The following MACROD2 variants were observed in gnomAD, a reference collection of about 807,000 sequenced individuals.
MACROD2 encodes ADP-ribose glycohydrolase MACROD2.
A neutral mutation model predicts 70.4 loss-of-function variants in MACROD2; 36 were observed. The observed-to-expected ratio is 0.51, with a 90% CI of 0.39 to 0.68. The LOEUF (loss-of-function observed/expected upper bound fraction) is 0.68. Ranked by LOEUF, MACROD2 falls within the 30% of genes least tolerant of loss-of-function variation. MACROD2 has a pLI of 0.00. For missense variants in MACROD2, 496 were observed against 538.4 expected, an observed-to-expected ratio of 0.92 and a Z score of 0.78; for synonymous variants, 172 against 178.8, an observed-to-expected ratio of 0.96 and a Z score of 0.30.
chr20:14,967,407 G>A (rs1022718379), intron 5 of MACROD2, among the ~76,000 whole-genome samples: 45 of 152,146 alleles, frequency 3.0e-4, no homozygotes, highest in Admixed American at 7.2e-4. Context: ...CAGGCAATCC[G>A]CCCGCCTCGG....
chr20:14,647,072 A>G (rs1042187896), intron 4 of MACROD2, among the ~76,000 whole-genome samples: 1 of 152,162 alleles, frequency 6.6e-6, no homozygotes, highest in Admixed American at 6.6e-5. Flanking sequence ...TAAAGTAATC[A>G]GCATTTTCCC....
chr20:15,197,960 CTT>C (rs56284199), intron 5 of MACROD2, among the ~76,000 whole-genome samples: 66 of 118,674 alleles, frequency 5.6e-4, no homozygotes, highest in East Asian at 2.0e-3. Context: ...GCCTGGCCTC[CTT>C]TTTTTTTTTT....
At chr20:15,555,839 AAAAAAAAAAAAAAAAG>A (rs1843714542) in intron 8 of MACROD2, among the ~76,000 whole-genome samples, 2 of 147,604 alleles carry the variant, frequency 1.4e-5, no homozygotes, top group South Asian at 2.1e-4. Flanking sequence ...AAAAAAAAAA[AAAAAAAAAAAAAAAAG>A]GAAAAGAAAA....
At chr20:15,779,506 T>C (rs1343433230) in intron 8 of MACROD2, among the ~76,000 whole-genome samples, 1 of 152,140 alleles carries the variant, frequency 6.6e-6, no homozygotes, top group African/African-American at 2.4e-5. Flanking sequence ...AAATACCAAG[T>C]AGCAGCAGGA....
At chr20:14,114,178 A>G (rs989214897) in intron 3 of MACROD2, among the ~76,000 whole-genome samples, 3 of 151,936 alleles carry the variant, frequency 2.0e-5, no homozygotes, top group African/African-American at 7.3e-5. Flanking sequence ...AGTATCTGCT[A>G]AAGCAATTTC....
At chr20:15,026,190 A>C (rs1483609414) in intron 5 of MACROD2, among the ~76,000 whole-genome samples, 1 of 152,176 alleles carries the variant, frequency 6.6e-6, no homozygotes, top group Non-Finnish European at 1.5e-5. Context: ...GAACATATTA[A>C]AGGTCCTTGA....
intron 10 of MACROD2, among the ~76,000 whole-genome samples, chr20:15,911,213 A>G (rs1601114280): frequency 6.6e-6 from 1 of 152,174 alleles, no homozygotes; most frequent in Admixed American, 6.5e-5. Flanking sequence ...GTGGAGCAAC[A>G]TGGTTAACTA....
At chr20:15,687,465 C>T (rs956677819) in intron 8 of MACROD2, among the ~76,000 whole-genome samples, 2 of 151,940 alleles carry the variant, frequency 1.3e-5, no homozygotes, top group African/African-American at 4.8e-5. Context: ...AGCATCTGGA[C>T]ACCGGTCATT....
chr20:14,361,185 G>T (rs890249321), intron 3 of MACROD2, among the ~76,000 whole-genome samples: 1 of 152,160 alleles, frequency 6.6e-6, no homozygotes, highest in African/African-American at 2.4e-5. Context: ...ATCTAGGTTT[G>T]ATGAGAAGGA....
intron 3 of MACROD2, among the ~76,000 whole-genome samples, chr20:14,133,040 C>G (rs1295743689): frequency 6.6e-6 from 1 of 152,154 alleles, no homozygotes; most frequent in Non-Finnish European, 1.5e-5. Context: ...CTCACATGAT[C>G]ACATGATTAT....
At chr20:15,748,025 C>G (rs546130105) in intron 8 of MACROD2, among the ~76,000 whole-genome samples, 2 of 152,190 alleles carry the variant, frequency 1.3e-5, no homozygotes, top group South Asian at 4.1e-4. Flanking sequence ...AAGCATAGCT[C>G]TTTTAAAATG....
At chr20:15,234,009 A>ATATTTTTTTTTTTT (rs1555795277) in intron 6 of MACROD2, among the ~76,000 whole-genome samples, 2 of 39,994 alleles carry the variant, frequency 5.0e-5, no homozygotes, top group Non-Finnish European at 9.4e-5. Context: ...ATATATATAT[A>ATATTTTTTTTTTTT]TTCTTTTTTT....
intron 6 of MACROD2, among the ~76,000 whole-genome samples, chr20:15,295,703 C>G (rs1003164543): frequency 2.0e-5 from 3 of 151,998 alleles, no homozygotes; most frequent in Non-Finnish European, 2.9e-5. Flanking sequence ...ACTCACACCC[C>G]CCAACTCACC....
At chr20:15,432,108 G>A (rs968568038) in intron 7 of MACROD2, among the ~76,000 whole-genome samples, 1 of 151,906 alleles carries the variant, frequency 6.6e-6, no homozygotes, top group Admixed American at 6.6e-5. Flanking sequence ...TAATGTTAAA[G>A]ATTTTCTGAT....
At chr20:14,983,052 T>C (rs943297459) in intron 5 of MACROD2, among the ~76,000 whole-genome samples, 9 of 152,178 alleles carry the variant, frequency 5.9e-5, no homozygotes, top group Non-Finnish European at 1.3e-4. Flanking sequence ...CTAGCATCAG[T>C]GTTACCTGGA....
chr20:15,686,702 G>A (rs1318039380), intron 8 of MACROD2, among the ~76,000 whole-genome samples: 20 of 151,816 alleles, frequency 1.3e-4, no homozygotes, highest in East Asian at 5.8e-4. Flanking sequence ...GTAAAACCCC[G>A]TCTCTACTAA....
chr20:15,229,243 A>G (rs1024964843), intron 5 of MACROD2, among the ~76,000 whole-genome samples: 2 of 152,238 alleles, frequency 1.3e-5, no homozygotes, highest in Non-Finnish European at 2.9e-5. Flanking sequence ...ATTTTTCAAC[A>G]TAAATAGGAG....
chr20:15,037,097 T>C (rs980567883), intron 5 of MACROD2, among the ~76,000 whole-genome samples: 3 of 152,150 alleles, frequency 2.0e-5, no homozygotes, highest in Non-Finnish European at 4.4e-5. Flanking sequence ...GTAGCTCCAG[T>C]AGCTCGATGG....
At chr20:15,511,207 C>T (rs2047494464) in intron 8 of MACROD2, among the ~76,000 whole-genome samples, 1 of 152,186 alleles carries the variant, frequency 6.6e-6, no homozygotes, top group Non-Finnish European at 1.5e-5. Context: ...TGTGTGCACT[C>T]TTTAAAAGAA....
Sources: gnomAD v4.1 joint callset for allele counts (sites outside exome capture counted in the v4.1 genomes callset) on GRCh38, gnomAD v4.1.1 for gene constraint, MANE v1.5 for transcripts, NCBI Gene and HGNC (gene_info 2026-07-23, HGNC 2026-07-21) for gene names.